Variants in DNAAF2 observed in about 807,000 individuals in gnomAD.
DNAAF2 encodes protein kintoun.
Under a neutral mutation model 48.8 loss-of-function variants are expected in DNAAF2, and 58 were observed. The observed-to-expected ratio is 1.19, with a 90% confidence interval of 0.96 to 1.48. The LOEUF (loss-of-function observed/expected upper bound fraction) is 1.48, where lower values mean the gene tolerates loss of function less well. Ranked by LOEUF, DNAAF2 falls within the 40% of genes most tolerant of loss-of-function variation. The pLI is 0.00. For synonymous variants in DNAAF2, 567 were observed against 481.2 expected (o/e 1.18, Z -2.33); for missense variants, 1,241 against 1,116.1 (o/e 1.11, Z -1.59).
At chr14:49,631,053 A>G (rs1883148503) in intron 1 of DNAAF2, among the ~76,000 whole-genome samples, 5 of 152,076 alleles carry the variant, frequency 3.3e-5, no homozygotes, top group Admixed American at 3.3e-4. Flanking sequence ...CTGGCTACGT[A>G]TTTTTCTTCC....
rs554122887 is a variant in DNAAF2, at chr14:49,633,101, T to C, written c.1863+186A>G. ...CATGCCCGGCTAATTTTTGCATTTT[T>C]AGTAGAGACGGGATTTCACCGTATT... On this transcript the variant is annotated intron_variant, in intron 1 of 2. Coordinates refer to ENST00000298292, the MANE Select transcript of DNAAF2 (RefSeq NM_018139.3). Among the ~76,000 whole-genome samples the C allele has an allele frequency of 1.1e-4, 16 of 152,126 alleles. No homozygotes were observed. In the South Asian group the frequency reaches 3.1e-3, roughly 30 times the overall value.
intron 1 of DNAAF2, 139 bp from the exon 2 acceptor site, chr14:49,628,294 GCTGT>G (rs1883063215): frequency 1.3e-6 from 1 of 748,298 alleles, no homozygotes; most frequent in Non-Finnish European, 2.1e-6. Flanking sequence ...ATTCCTATGA[GCTGT>G]CTTAGAAAAA....
chr14:49,625,819 G>C lies in DNAAF2; in HGVS notation c.2237C>G (p.Pro746Arg). ...AAATTCAGATTGCATTTTTGACTCA[G>C]GTTGCTGAGATTTTCCAAGTATCAT... ...SQMILGKSQQ[P>R]ESKMQSEFIK... The change falls in exon 3 of 3, where the codon CCT (proline) becomes CGT (arginine). Residue 746 changes from proline (P) to arginine (R), a missense_variant. Transcript: ENST00000298292. 2 of 1,608,666 alleles carry C rather than the reference G, an allele frequency of 1.2e-6. No individual in the cohort carries two copies. Among genetic ancestry groups the C allele is most frequent in the Non-Finnish European group, 1.7e-6 (2 of 1,178,378 alleles).
chr14:49,632,605 C>T (rs924996243), intron 1 of DNAAF2, among the ~76,000 whole-genome samples: 6 of 151,918 alleles, frequency 3.9e-5, no homozygotes, highest in Non-Finnish European at 5.9e-5. Context: ...GCCACCACGC[C>T]CAGCTAATTT....
chr14:49,633,667 G>A lies in DNAAF2; in HGVS notation c.1483C>T (p.Arg495Cys). 17 of 1,611,876 alleles carry A rather than the reference G, an allele frequency of 1.1e-5. No individual in the cohort carries two copies. Among genetic ancestry groups the A allele is most frequent in the Non-Finnish European group, 1.4e-5 (17 of 1,178,662 alleles). The change falls in exon 1 of 3, where the codon CGC becomes TGC. Residue 495 changes from arginine (R) to cysteine (C), a missense_variant. By Grantham distance (180) the Arg-to-Cys change is radical (BLOSUM62 -3). Transcript: ENST00000298292. ...CCGCCCGTGCCCTCCGACTCCTCGCGTGTTTCCACACTGCTATCTCCGCGC... is the reference window on the plus strand; with the variant it reads ...CCGCCCGTGCCCTCCGACTCCTCGCATGTTTCCACACTGCTATCTCCGCGC... ...SARGDSSVET[R>C]EESEGTGGQR...
Position 49,625,534 on chromosome 14 carries a change from A to G in DNAAF2, c.*8T>C, listed in dbSNP as rs192899037. On this transcript the variant is annotated 3_prime_UTR_variant, in exon 3 of 3. Coordinates refer to ENST00000298292, the MANE Select transcript of DNAAF2 (RefSeq NM_018139.3). ...CCTTAATATTTAAAAGTCCAAAATT[A>G]TATAGAATTAATCCAAATCATATAG... is the stretch of plus-strand genomic sequence containing the variant. 9.9e-6 allele frequency: 15 copies of G among 1,519,360 alleles called. No homozygotes were observed. The Admixed American group carries it at 3.1e-4, about 31-fold the overall frequency. The allele number at this position is 1,519,360 out of a possible 1,614,324, so 94.1% of individuals were successfully genotyped here.
At position 49,634,447 on chromosome 14, in the gene DNAAF2, C is replaced by G. The variant is rs772389470; in HGVS notation, c.703G>C (p.Gly235Arg). ...TCCGGAGGGGAGGGCGCCCGGGGCCCGGGGGCTGCCGGGTACTGGTAAGGG... is the reference window on the plus strand; with the variant it reads ...TCCGGAGGGGAGGGCGCCCGGGGCCGGGGGGCTGCCGGGTACTGGTAAGGG... ...PYPYQYPAAP[G>R]PRAPSPPEAA... is the part of the protein sequence containing the mutation. The change falls in exon 1 of 3, where the codon GGG becomes CGG. Residue 235 changes from glycine (G) to arginine (R), a missense_variant. Physicochemically the swap from Gly to Arg is moderately radical, Grantham distance 125. Transcript: ENST00000298292. The G allele has an allele frequency of 2.6e-6, 4 of 1,555,854 alleles. No homozygotes were observed. In the South Asian group the frequency reaches 4.6e-5, roughly 18 times the overall value.
At position 49,634,880 on chromosome 14, in the gene DNAAF2, C is replaced by G. The variant is rs767758073; in HGVS notation, c.270G>C (p.Val90=). Residue 90 remains valine (V), a synonymous_variant, in exon 1 of 3, where the codon GTG becomes GTC. Transcript: ENST00000298292. The part of the protein sequence containing the change: ...TSLDGARRCF[V]NVCSNALVGA... ...CCACCAACGCGTTGCTGCAGACATT[C>G]ACAAAGCAGCGCCGCGCCCCGTCCA... is the stretch of plus-strand genomic sequence containing the variant. 191 of 1,549,248 alleles carry G rather than the reference C, an allele frequency of 1.2e-4. No individual in the cohort carries two copies. The highest frequency in any genetic ancestry group is 1.7e-4 in the Middle Eastern group (1 of 5,940).
intron 1 of DNAAF2, among the ~76,000 whole-genome samples, chr14:49,632,282 C>T (rs1281568962): frequency 6.6e-6 from 1 of 152,104 alleles, no homozygotes; most frequent in South Asian, 2.1e-4. Context: ...TTAGCTAGCC[C>T]AGCTATTTAT....
In DNAAF2 at chr14:49,635,035, A is replaced by C; in HGVS notation, c.115T>G (p.Tyr39Asp). Residue 39 changes from tyrosine to aspartate, a missense_variant, in exon 1 of 3, where the codon TAC (tyrosine) becomes GAC (aspartate). Physicochemically the swap from Tyr to Asp is radical, Grantham distance 160. Transcript: ENST00000298292. ...DPEFRRMFSQ[Y>D]AEELTDPENR... is the part of the protein sequence containing the mutation. ...TCCGGGTCGGTGAGCTCCTCGGCGT[A>C]CTGGGAGAACATTCGCCGGAACTCC... The C allele has an allele frequency of 5.1e-6, 8 of 1,579,276 alleles. No homozygotes were observed. Among genetic ancestry groups the C allele is most frequent in the Non-Finnish European group, 6.9e-6 (8 of 1,163,444 alleles).
Position 49,634,817 on chromosome 14 carries a change from C to T in DNAAF2, c.333G>A (p.Arg111=). 6.5e-7 allele frequency: 1 copy of T among 1,547,816 alleles called. No homozygotes were observed. Among genetic ancestry groups the T allele is most frequent in the Non-Finnish European group, 8.7e-7 (1 of 1,148,524 alleles). The part of the protein sequence containing the change: ...PSSRPGSGGD[R]GAAPGSHWSL... ...ACCAGTGGCTGCCAGGAGCTGCGCC[C>T]CGGTCGCCACCGGAGCCGGGCCGGC... The change falls in exon 1 of 3, where the codon CGG becomes CGA. Residue 111 remains arginine (R), a synonymous_variant. Coordinates refer to ENST00000298292, the MANE Select transcript of DNAAF2 (RefSeq NM_018139.3).
intron 2 of DNAAF2, 91 bp downstream of exon 2, chr14:49,627,917 TTTTG>T: frequency 1.6e-6 from 2 of 1,276,588 alleles, no homozygotes; most frequent in South Asian, 3.2e-5. Context: ...ATTATGTAAA[TTTTG>T]TTTAAAGTTA....
chr14:49,633,273 G>A lies in DNAAF2; in HGVS notation c.1863+14C>T. 6.2e-7 allele frequency: 1 copy of A among 1,610,912 alleles called. No homozygotes were observed. The highest frequency in any genetic ancestry group is 8.5e-7 in the Non-Finnish European group (1 of 1,177,708). ...GGATATTTCAAATATGAGGACTCTG[G>A]AAAGAACTGTTACCTCCAAAGAATC... is the stretch of plus-strand genomic sequence containing the variant. On this transcript the variant is annotated intron_variant, in intron 1 of 2. Transcript: ENST00000298292.
At chr14:49,631,627 A>T (rs958077559) in intron 1 of DNAAF2, among the ~76,000 whole-genome samples, 1 of 152,170 alleles carries the variant, frequency 6.6e-6, no homozygotes. Context: ...CATCTCAAAA[A>T]ACAACCAGAA....
intron 1 of DNAAF2, among the ~76,000 whole-genome samples, chr14:49,631,579 C>A (rs1263352627): frequency 6.6e-6 from 1 of 152,052 alleles, no homozygotes; most frequent in Non-Finnish European, 1.5e-5. Context: ...GAGTGAGCCG[C>A]CCCACTGCAC....
Position 49,634,666 on chromosome 14 carries a change from G to T in DNAAF2, c.484C>A (p.Gln162Lys). The T allele has an allele frequency of 6.2e-7, 1 of 1,606,790 alleles. No individual in the cohort carries two copies. The highest frequency in any genetic ancestry group is 1.1e-5 in the South Asian group (1 of 91,084). The stretch of plus-strand genomic sequence containing the variant: ...TCCAGGGCCGTGGCGTCCAGCATCT[G>T]GCGGAAGCCCTCGTGCCGCCGGGCC... ...ALARRHEGFRQMLDATALEAV... is the reference protein window; with the variant it reads ...ALARRHEGFRKMLDATALEAV... The change falls in exon 1 of 3, where the codon CAG becomes AAG. Residue 162 changes from glutamine to lysine, a missense_variant. Physicochemically the swap from Gln to Lys is moderately conservative, Grantham distance 53 (BLOSUM62 1). Transcript: ENST00000298292.
Position 49,627,444 on chromosome 14 carries a change from A to C in DNAAF2, c.2007+568T>G, listed in dbSNP as rs372981072. Among the ~76,000 whole-genome samples the C allele has an allele frequency of 3.1e-4, 48 of 152,382 alleles. No homozygotes were observed. The South Asian group carries it at 9.7e-3, about 31-fold the overall frequency. ...AAAAAAGATTGTATGTCCCTGGACTAGTACTCAAACTTCCTAAGTGTTAGT... is the reference window on the plus strand; with the variant it reads ...AAAAAAGATTGTATGTCCCTGGACTCGTACTCAAACTTCCTAAGTGTTAGT... On this transcript the variant is annotated intron_variant, in intron 2 of 2. Transcript: ENST00000298292.
At position 49,625,621 on chromosome 14, in the gene DNAAF2, C is replaced by A. The variant is rs750872490; in HGVS notation, c.2435G>T (p.Gly812Val). 1 of 1,613,494 alleles carries A rather than the reference C, an allele frequency of 6.2e-7. No individual in the cohort carries two copies. The highest frequency in any genetic ancestry group is 1.3e-5 in the African/African-American group (1 of 74,908). Residue 812 changes from glycine to valine, a missense_variant, in exon 3 of 3, where the codon GGT (glycine) becomes GTT (valine). Physicochemically the swap from Gly to Val is moderately radical, Grantham distance 109. Coordinates refer to ENST00000298292, the MANE Select transcript of DNAAF2 (RefSeq NM_018139.3). ...ATGATCTTTAATGACCTGCACACTACCATCCTGCATATTGGTTTCTTTTAT... is the reference window on the plus strand; with the variant it reads ...ATGATCTTTAATGACCTGCACACTAACATCCTGCATATTGGTTTCTTTTAT... Reference protein sequence around the residue: ...DSIKETNMQDGSVQVIKDHVT... With the variant: ...DSIKETNMQDVSVQVIKDHVT...
rs749870969 is a variant in DNAAF2, at chr14:49,634,458, G to A, written c.692C>T (p.Pro231Leu). 1 of 1,563,624 alleles carries A rather than the reference G, an allele frequency of 6.4e-7. No homozygotes were observed. The highest frequency in any genetic ancestry group is 1.4e-5 in the African/African-American group (1 of 73,864). Residue 231 changes from proline to leucine, a missense_variant, in exon 1 of 3, where the codon CCG becomes CTG. Coordinates refer to ENST00000298292, the MANE Select transcript of DNAAF2 (RefSeq NM_018139.3). ...GGGCGCCCGGGGCCCGGGGGCTGCC[G>A]GGTACTGGTAAGGGTAGGGGAAGTC... The part of the protein sequence containing the change: ...LPDFPYPYQY[P>L]AAPGPRAPSP...
Sources: allele counts gnomAD v4.1 joint callset (sites outside exome capture counted in the v4.1 genomes callset), GRCh38; gene constraint gnomAD v4.1.1; transcripts MANE v1.5; gene names NCBI Gene and HGNC (gene_info 2026-07-23, HGNC 2026-07-21).